DLG2: variants seen among roughly 807,000 people sequenced by gnomAD.
The protein encoded by DLG2 is disks large homolog 2.
Under a neutral mutation model 132.5 loss-of-function variants are expected in DLG2, and 45 were observed. The ratio of observed to expected loss-of-function variants is 0.34; its 90% CI spans 0.27 to 0.44. The LOEUF is 0.44. Ranked by LOEUF, DLG2 falls within the 20% of genes least tolerant of loss-of-function variation. DLG2 has a pLI of 1.00. For missense variants in DLG2, 1,045 were observed against 1,196.9 expected, an observed-to-expected ratio of 0.87 and a Z score of 1.87; for synonymous variants, 424 against 419.6, an observed-to-expected ratio of 1.01 and a Z score of -0.13.
chr11:84,603,263 T>C (rs1352043892), intron 6 of DLG2, among the ~76,000 whole-genome samples: 1 of 151,976 alleles, frequency 6.6e-6, no homozygotes, highest in Non-Finnish European at 1.5e-5. Flanking sequence ...AGGTTATTTA[T>C]ATCTCTATGC....
intron 4 of DLG2, among the ~76,000 whole-genome samples, chr11:85,217,316 TCTCA>T (rs1414772507): frequency 1.4e-5 from 2 of 138,352 alleles, no homozygotes; most frequent in South Asian, 5.0e-4. Flanking sequence ...TCTCTCTCTC[TCTCA>T]CACACACACA....
chr11:85,527,329 A>G (rs944684158), intron 3 of DLG2, among the ~76,000 whole-genome samples: 15 of 151,958 alleles, frequency 9.9e-5, no homozygotes, highest in Non-Finnish European at 1.6e-4. Context: ...TCTTTGTCCT[A>G]ATGCTCTCTC....
At chr11:84,042,723 G>T (rs1012958624) in intron 11 of DLG2, among the ~76,000 whole-genome samples, 5 of 151,870 alleles carry the variant, frequency 3.3e-5, no homozygotes, top group Non-Finnish European at 5.9e-5. Flanking sequence ...ATGAGATCAT[G>T]TCCTTTAGAG....
intron 18 of DLG2, among the ~76,000 whole-genome samples, chr11:83,650,121 G>C (rs751845094): frequency 2.6e-5 from 4 of 152,186 alleles, no homozygotes; most frequent in Non-Finnish European, 5.9e-5. Context: ...AAGAAGTTTT[G>C]ACTGTAATGC....
intron 6 of DLG2, among the ~76,000 whole-genome samples, chr11:84,811,744 C>T (rs1212397196): frequency 6.6e-6 from 1 of 152,120 alleles, no homozygotes; most frequent in Non-Finnish European, 1.5e-5. Context: ...GTACTGCATG[C>T]CTACTCTGTG....
chr11:84,795,442 C>T (rs2074451276), intron 6 of DLG2, among the ~76,000 whole-genome samples: 1 of 151,956 alleles, frequency 6.6e-6, no homozygotes, highest in African/African-American at 2.4e-5. Flanking sequence ...GGGTTTCCTC[C>T]CTGCTGAGAG....
intron 18 of DLG2, among the ~76,000 whole-genome samples, chr11:83,657,763 A>G (rs2073072872): frequency 6.6e-6 from 1 of 151,880 alleles, no homozygotes; most frequent in South Asian, 2.1e-4. Flanking sequence ...GATGGTCTCA[A>G]TCTCCTGACC....
At chr11:85,491,903 G>C (rs1042228919) in intron 3 of DLG2, among the ~76,000 whole-genome samples, 1 of 151,920 alleles carries the variant, frequency 6.6e-6, no homozygotes, top group Non-Finnish European at 1.5e-5. Context: ...CGTAAAATTC[G>C]TGTGAAACTA....
At chr11:84,943,082 C>T (rs2154098356) in intron 6 of DLG2, among the ~76,000 whole-genome samples, 1 of 151,336 alleles carries the variant, frequency 6.6e-6, no homozygotes, top group South Asian at 2.1e-4. Flanking sequence ...TATCTTTCTC[C>T]ATCTTTTTCT....
intron 3 of DLG2, among the ~76,000 whole-genome samples, chr11:85,490,062 C>T (rs1314882023): frequency 6.6e-6 from 1 of 152,008 alleles, no homozygotes; most frequent in South Asian, 2.1e-4. Flanking sequence ...GTGGTATGTA[C>T]CTGTAGTCCT....
intron 3 of DLG2, among the ~76,000 whole-genome samples, chr11:85,289,023 A>G (rs2078730852): frequency 6.6e-6 from 1 of 152,038 alleles, no homozygotes; most frequent in Non-Finnish European, 1.5e-5. Context: ...AAACTTACAA[A>G]TCTTCATTAA....
intron 6 of DLG2, among the ~76,000 whole-genome samples, chr11:84,784,353 TAAATA>T (rs1565953296): frequency 4.7e-5 from 7 of 148,184 alleles, no homozygotes; most frequent in South Asian, 2.1e-4. Flanking sequence ...AATAAATAAA[TAAATA>T]AATAAATAAA....
intron 3 of DLG2, among the ~76,000 whole-genome samples, chr11:85,524,813 T>C (rs1285731751): frequency 6.6e-6 from 1 of 152,064 alleles, no homozygotes; most frequent in Non-Finnish European, 1.5e-5. Flanking sequence ...ATTTTATTTA[T>C]ACAAAGTTCA....
chr11:85,437,152 G>A (rs1023522923), intron 3 of DLG2, among the ~76,000 whole-genome samples: 1 of 152,046 alleles, frequency 6.6e-6, no homozygotes, highest in African/African-American at 2.4e-5. Context: ...AACTGCGTGG[G>A]GAGGGATGCA....
chr11:84,381,349 G>C (rs751289229), intron 7 of DLG2, among the ~76,000 whole-genome samples: 1 of 152,010 alleles, frequency 6.6e-6, no homozygotes, highest in Non-Finnish European at 1.5e-5. Context: ...ATGAGGAAAA[G>C]AGGTACACTC....
At chr11:84,618,642 GAA>G (rs1215437975) in intron 6 of DLG2, among the ~76,000 whole-genome samples, 1 of 152,000 alleles carries the variant, frequency 6.6e-6, no homozygotes, top group African/African-American at 2.4e-5. Context: ...CTCAAACTCA[GAA>G]GAGTCTTTTG....
intron 16 of DLG2, among the ~76,000 whole-genome samples, chr11:83,856,044 G>A (rs1473008622): frequency 6.6e-6 from 1 of 152,052 alleles, no homozygotes; most frequent in Non-Finnish European, 1.5e-5. Flanking sequence ...GTGTTTATGT[G>A]TTCTCATAAT....
intron 18 of DLG2, among the ~76,000 whole-genome samples, chr11:83,689,727 T>G (rs956560833): frequency 6.6e-6 from 1 of 151,860 alleles, no homozygotes; most frequent in African/African-American, 2.4e-5. Flanking sequence ...TGTGTCATTG[T>G]GAATAAGAAC....
intron 2 of DLG2, among the ~76,000 whole-genome samples, chr11:85,617,192 C>A (rs925645130): frequency 3.9e-5 from 6 of 152,196 alleles, no homozygotes; most frequent in Non-Finnish European, 8.8e-5. Flanking sequence ...GTAGCCAAAT[C>A]TTCTGACTAC....
Sources: gnomAD v4.1 joint callset for allele counts (sites outside exome capture counted in the v4.1 genomes callset) on GRCh38, gnomAD v4.1.1 for gene constraint, MANE v1.5 for transcripts, NCBI Gene and HGNC (gene_info 2026-07-23, HGNC 2026-07-21) for gene names.